Variants in PPP1R21 observed in about 807,000 individuals in gnomAD.
PPP1R21 encodes KLRAQ motif containing 1.
In PPP1R21, 85 loss-of-function variants were observed where a neutral mutation model predicts 112.8. That is an observed-to-expected ratio of 0.75 (90% confidence interval 0.63 to 0.90). The LOEUF (loss-of-function observed/expected upper bound fraction) is 0.90, where lower values mean the gene tolerates loss of function less well. Among genes scored for constraint, PPP1R21 ranks in the 40% least tolerant of loss-of-function variants. The probability of loss-of-function intolerance (pLI) is 0.00; values close to 1 mark genes in which losing one functional copy is unlikely to be tolerated. For synonymous variants in PPP1R21, 381 were observed against 322.3 expected (o/e 1.18, Z -1.95); for missense variants, 1,199 against 901.5 (o/e 1.33, Z -4.23).
At position 48,498,491 on chromosome 2, in the gene PPP1R21, A is replaced by C; in HGVS notation, c.1693-2A>C. ...AGATACAACACTCTGTTACTTTTCA[A>C]GGTTCAACAGAGTTTGGAAAAGATT... On this transcript the variant is annotated splice_acceptor_variant, in intron 16 of 21. Transcript: ENST00000294952. LOFTEE classifies it high-confidence loss of function. The C allele has an allele frequency of 6.2e-7, 1 of 1,613,948 alleles. No homozygotes were observed. Among genetic ancestry groups the C allele is most frequent in the Non-Finnish European group, 8.5e-7 (1 of 1,179,874 alleles).
chr2:48,503,952 C>CAAAAA (rs11389758), intron 17 of PPP1R21, among the ~76,000 whole-genome samples: 1 of 135,740 alleles, frequency 7.4e-6, no homozygotes, highest in African/African-American at 2.8e-5. Context: ...GACTATGTCT[C>CAAAAA]AAAAAAAAAA....
rs556678111 is a variant in PPP1R21 at position 48,470,461 on chromosome 2, A to C, written c.898-626A>C. On this transcript the variant is annotated intron_variant, in intron 9 of 21. Transcript: ENST00000294952. The stretch of plus-strand genomic sequence containing the variant: ...TGAGAACCCGGGAGGCAGAGGTTGC[A>C]GTGAGCCAAGATCCCGCCACTGCAC... 7.9e-5 allele frequency among the ~76,000 whole-genome samples: 12 copies of C among 151,414 alleles called. No individual in the cohort carries two copies. The South Asian group carries it at 2.5e-3, about 32-fold the overall frequency.
rs34664331 is a variant in PPP1R21 at position 48,440,812 on chromosome 2, C to CGCGGCG, written c.-124_-119dup. 0.041 allele frequency: 25,558 copies of CGCGGCG among 626,614 alleles called. 528 individuals are homozygous for CGCGGCG. The highest frequency in any genetic ancestry group is 0.092 in the South Asian group (5,000 of 54,532). 38.8% of individuals were successfully genotyped at this position (626,614 alleles called of 1,614,324 possible). On this transcript the variant is annotated 5_prime_UTR_variant, in exon 1 of 22. Transcript: ENST00000294952. ...GGGAACCCGGAAGTGGAGGAGGAGG[C>CGCGGCG]GCGGCGGCGGCGGCGGCGGCGGCTG...
intron 17 of PPP1R21, among the ~76,000 whole-genome samples, chr2:48,500,767 G>A (rs1169181108): frequency 2.0e-5 from 3 of 152,146 alleles, no homozygotes; most frequent in African/African-American, 7.2e-5. Flanking sequence ...AAATTAGCCA[G>A]GCGTGGCGGC....
Position 48,471,161 on chromosome 2 carries a change from T to C in PPP1R21, c.972T>C (p.Ser324=). ...AAGGAATGCTTCATTTATTTGAAAG[T>C]ATCACTGAGGATACTGTGACTGTCT... is the stretch of plus-strand genomic sequence containing the variant. ...LEEGMLHLFE[S]ITEDTVTVLE... is the part of the protein sequence containing the mutation. Residue 324 remains serine, a synonymous_variant, in exon 10 of 22, where the codon AGT becomes AGC. Coordinates refer to ENST00000294952, the MANE Select transcript of PPP1R21 (RefSeq NM_001135629.3). 11 of 1,613,314 alleles carry C rather than the reference T, an allele frequency of 6.8e-6. 1 individual carries two copies. The highest frequency in any genetic ancestry group is 9.3e-6 in the Non-Finnish European group (11 of 1,179,264).
chr2:48,510,847 C>A (rs143410158), intron 20 of PPP1R21, among the ~76,000 whole-genome samples: 2 of 152,194 alleles, frequency 1.3e-5, no homozygotes, highest in Non-Finnish European at 2.9e-5. Context: ...GCTTTTCTTA[C>A]AATTTTATAC....
intron 12 of PPP1R21, among the ~76,000 whole-genome samples, chr2:48,475,744 G>A (rs1202428639): frequency 1.3e-5 from 2 of 152,100 alleles, no homozygotes; most frequent in African/African-American, 4.8e-5. Context: ...CTACTCGGGA[G>A]GCTGAGGCAG....
intron 17 of PPP1R21, among the ~76,000 whole-genome samples, chr2:48,503,850 G>A (rs1462829223): frequency 6.6e-6 from 1 of 151,862 alleles, no homozygotes; most frequent in Non-Finnish European, 1.5e-5. Context: ...CTACTCGGGA[G>A]GCTGAGGCAA....
intron 13 of PPP1R21, among the ~76,000 whole-genome samples, chr2:48,484,052 C>T (rs556223086): frequency 4.6e-5 from 7 of 152,204 alleles, no homozygotes; most frequent in Non-Finnish European, 1.0e-4. Context: ...CAAACTTTGA[C>T]GCCATAACAA....
Position 48,491,189 on chromosome 2 carries a change from A to T in PPP1R21, c.1599+19A>T, listed in dbSNP as rs1379044602. On this transcript the variant is annotated intron_variant, in intron 15 of 21. Coordinates refer to ENST00000294952, the MANE Select transcript of PPP1R21 (RefSeq NM_001135629.3). ...GAGAAAGGTTTGTTAGCTGCTGTTA[A>T]TATTTAAATCAGAGGAAACATCAGG... is the stretch of plus-strand genomic sequence containing the variant. 4 of 1,605,588 alleles carry T rather than the reference A, an allele frequency of 2.5e-6. No individual in the cohort carries two copies. Among genetic ancestry groups the T allele is most frequent in the Non-Finnish European group, 3.4e-6 (4 of 1,177,302 alleles).
chr2:48,488,582 G>C (rs1383465677), intron 14 of PPP1R21, among the ~76,000 whole-genome samples: 1 of 152,002 alleles, frequency 6.6e-6, no homozygotes, highest in Non-Finnish European at 1.5e-5. Flanking sequence ...ATGTTAGTCA[G>C]GATGGTCTCA....
At position 48,514,963 on chromosome 2, in the gene PPP1R21, A is replaced by C. The variant is rs1322746466; in HGVS notation, c.*219A>C. On this transcript the variant is annotated 3_prime_UTR_variant, in exon 22 of 22. Coordinates refer to ENST00000294952, the MANE Select transcript of PPP1R21 (RefSeq NM_001135629.3). ...TTGATGTCGGCAGTAAATGGAAAAC[A>C]ATACGTATGTCATGGATATTGTAGG... is the stretch of plus-strand genomic sequence containing the variant. 1.8e-6 allele frequency: 1 copy of C among 548,786 alleles called. No homozygotes were observed. The highest frequency in any genetic ancestry group is 2.7e-5 in the South Asian group (1 of 36,636). The allele number at this position is 548,786 out of a possible 1,614,324, so 34.0% of individuals were successfully genotyped here.
chr2:48,457,902 T>C, intron 3 of PPP1R21: 1 of 466,182 alleles, frequency 2.1e-6, no homozygotes, highest in Non-Finnish European at 4.2e-6. Flanking sequence ...ATCTGTTCTT[T>C]TCTCTCTCTT....
At position 48,455,866 on chromosome 2, in the gene PPP1R21, T is replaced by A. The variant is rs189231647; in HGVS notation, c.273+1125T>A. Among the ~76,000 whole-genome samples the A allele has an allele frequency of 7.0e-3, 1,063 of 151,954 alleles. 18 individuals carry two copies. The highest frequency in any genetic ancestry group is 0.024 in the African/African-American group (988 of 41,454). On this transcript the variant is annotated intron_variant, in intron 3 of 21. Coordinates refer to ENST00000294952, the MANE Select transcript of PPP1R21 (RefSeq NM_001135629.3). Reference sequence around the variant, plus strand: ...TGTCTCTACTAAAAATAGAAAAAATTAGCTGGGCGTGTTGGCAGGCGCCTA... The same window carrying A: ...TGTCTCTACTAAAAATAGAAAAAATAAGCTGGGCGTGTTGGCAGGCGCCTA...
chr2:48,443,227 C>A (rs78065436), intron 1 of PPP1R21, among the ~76,000 whole-genome samples: 3,881 of 152,194 alleles, frequency 0.026, 99 homozygotes, highest in African/African-American at 0.069. Flanking sequence ...AGAGTTGTCC[C>A]TGCAGTTCTG....
intron 9 of PPP1R21, 67 bp downstream of exon 9, chr2:48,465,709 A>G: frequency 6.9e-7 from 1 of 1,458,674 alleles, no homozygotes; most frequent in East Asian, 2.3e-5. Flanking sequence ...TTGTTTTTAG[A>G]CCTCTTCTGT....
In PPP1R21 at chr2:48,505,728, G is replaced by A. The variant is rs1463910619; in HGVS notation, c.1968+132G>A. 6.4e-6 allele frequency: 5 copies of A among 781,698 alleles called. No homozygotes were observed. The African/African-American group carries it at 8.6e-5, about 13-fold the overall frequency. 48.4% of individuals were successfully genotyped at this position (781,698 alleles called of 1,614,324 possible). On this transcript the variant is annotated intron_variant, in intron 18 of 21. Coordinates refer to ENST00000294952, the MANE Select transcript of PPP1R21 (RefSeq NM_001135629.3). ...TCCTGACACTTCTAGCAAATGTGGAGCCAGTGTTTTCCACCTTCGTGTATG... is the reference window on the plus strand; with the variant it reads ...TCCTGACACTTCTAGCAAATGTGGAACCAGTGTTTTCCACCTTCGTGTATG...
At chr2:48,441,416 A>G (rs1264320406) in intron 1 of PPP1R21, 2 of 289,832 alleles carry the variant, frequency 6.9e-6, no homozygotes, top group Non-Finnish European at 1.4e-5. Context: ...CTCCCCTCCC[A>G]CAGGGATGAT....
At chr2:48,498,817 C>T (rs774066880) in intron 17 of PPP1R21, 82 bp downstream of exon 17, 13 of 1,390,184 alleles carry the variant, frequency 9.4e-6, no homozygotes, top group Non-Finnish European at 1.3e-5. Flanking sequence ...TAACCATTGT[C>T]TTAGTTCATT....
Sources: allele counts gnomAD v4.1 joint callset (sites outside exome capture counted in the v4.1 genomes callset), GRCh38; gene constraint gnomAD v4.1.1; transcripts MANE v1.5; gene names NCBI Gene and HGNC (gene_info 2026-07-23, HGNC 2026-07-21).